The following RAB4B variants were observed in gnomAD, a reference collection of about 807,000 sequenced individuals.
RAB4B encodes the protein ras-related protein Rab-4B.
A neutral mutation model predicts 28.3 loss-of-function variants in RAB4B; 15 were observed. That is an observed-to-expected ratio of 0.53 (90% CI 0.35 to 0.82). The LOEUF is 0.82. Among genes scored for constraint, RAB4B ranks in the 40% least tolerant of loss-of-function variants. RAB4B has a pLI of 0.01. For synonymous variants in RAB4B, 108 were observed against 116.3 expected, an observed-to-expected ratio of 0.93 and a Z score of 0.46; for missense variants, 244 against 288.5, an observed-to-expected ratio of 0.85 and a Z score of 1.12.
At chr19:40,794,355 A>G (rs1036159007) in intron 7 of RAB4B, among the ~76,000 whole-genome samples, 5 of 152,022 alleles carry the variant, frequency 3.3e-5, no homozygotes, top group Non-Finnish European at 7.4e-5. Flanking sequence ...GATTATAGGC[A>G]TGAGCCACTG....
At chr19:40,784,823 G>A (rs1194965191) in intron 5 of RAB4B, among the ~76,000 whole-genome samples, 1 of 150,656 alleles carries the variant, frequency 6.6e-6, no homozygotes, top group African/African-American at 2.4e-5. Flanking sequence ...ACCCTAGATG[G>A]CCCTAGGTGA....
At chr19:40,782,835 T>TCAAC (rs2083061930) in intron 3 of RAB4B, among the ~76,000 whole-genome samples, 1 of 129,856 alleles carries the variant, frequency 7.7e-6, no homozygotes, top group African/African-American at 2.9e-5. Flanking sequence ...AATCAATCAA[T>TCAAC]CAATCAATAA....
intron 7 of RAB4B, among the ~76,000 whole-genome samples, chr19:40,791,615 A>C (rs1349033980): frequency 1.3e-5 from 2 of 149,050 alleles, no homozygotes; most frequent in African/African-American, 4.9e-5. Flanking sequence ...AGGCAGCACT[A>C]CTTGTTCCTC....
chr19:40,783,171 A>AAAAAAAT (rs1568491949), intron 3 of RAB4B, among the ~76,000 whole-genome samples: 2 of 133,336 alleles, frequency 1.5e-5, no homozygotes, highest in Admixed American at 7.2e-5. Context: ...AAAAAAAAAA[A>AAAAAAAT]AGAAAAAGGA....
chr19:40,784,801 G>A (rs1164413292), intron 5 of RAB4B, among the ~76,000 whole-genome samples: 1 of 150,736 alleles, frequency 6.6e-6, no homozygotes, highest in Non-Finnish European at 1.5e-5. Context: ...TTGGTTTAAT[G>A]TAGAGATTGC....
chr19:40,786,246 A>C, intron 5 of RAB4B: 1 of 287,284 alleles, frequency 3.5e-6, no homozygotes, highest in South Asian at 3.1e-5. Flanking sequence ...GGAATGGGGC[A>C]GGTCCAGGCA....
chr19:40,785,099 C>A (rs951985364), intron 5 of RAB4B, among the ~76,000 whole-genome samples: 1 of 151,898 alleles, frequency 6.6e-6, no homozygotes, highest in East Asian at 1.9e-4. Flanking sequence ...AGGCGTGAGA[C>A]ACTGCGCCCG....
chr19:40,793,359 CAAGT>C (rs2145064893), intron 7 of RAB4B, among the ~76,000 whole-genome samples: 1 of 152,010 alleles, frequency 6.6e-6, no homozygotes, highest in South Asian at 2.1e-4. Flanking sequence ...CTCAGCCCCC[CAAGT>C]AACTGGGACT....
chr19:40,787,076 G>A, intron 7 of RAB4B, 98 bp downstream of exon 7: 1 of 1,119,412 alleles, frequency 8.9e-7, no homozygotes, highest in Non-Finnish European at 1.3e-6. Flanking sequence ...AAGAGAAACA[G>A]AGTGAGAGAA....
chr19:40,782,743 G>A (rs2083060743), intron 3 of RAB4B, among the ~76,000 whole-genome samples: 2 of 152,062 alleles, frequency 1.3e-5, no homozygotes, highest in African/African-American at 4.8e-5. Flanking sequence ...CATCCGGGGG[G>A]CAAAGGTTGC....
At chr19:40,780,337 C>A in intron 2 of RAB4B, 48 bp from the exon 3 acceptor site, 1 of 1,523,810 alleles carries the variant, frequency 6.6e-7, no homozygotes, top group Non-Finnish European at 8.9e-7. Flanking sequence ...ATCCTCTGAG[C>A]TGTCTCCTCT....
chr19:40,783,749 G>T, intron 3 of RAB4B, 29 bp from the exon 4 acceptor site: 1 of 1,534,698 alleles, frequency 6.5e-7, no homozygotes, highest in Non-Finnish European at 8.8e-7. Flanking sequence ...CCCAGCCTTG[G>T]GGGTGACTGG....
In RAB4B at chr19:40,786,663, A is replaced by G. The variant is rs1234542643; in HGVS notation, c.431-2A>G. 6.2e-7 allele frequency: 1 copy of G among 1,613,980 alleles called. No individual in the cohort carries two copies. Among genetic ancestry groups the G allele is most frequent in the Non-Finnish European group, 8.5e-7 (1 of 1,179,928 alleles). ...CTGACCTCAGAGTGTGTGCCCCTGCAGAGCTGATGTTCCTGGAGACCAGCG... is the reference window on the plus strand; with the variant it reads ...CTGACCTCAGAGTGTGTGCCCCTGCGGAGCTGATGTTCCTGGAGACCAGCG... On this transcript the variant is annotated splice_acceptor_variant, in intron 5 of 7. Coordinates refer to ENST00000357052, the MANE Select transcript of RAB4B (RefSeq NM_016154.5). LOFTEE classifies it high-confidence loss of function.
At chr19:40,785,232 A>G (rs1050953358) in intron 5 of RAB4B, among the ~76,000 whole-genome samples, 2 of 151,786 alleles carry the variant, frequency 1.3e-5, no homozygotes, top group African/African-American at 4.8e-5. Context: ...AGGGCCAACC[A>G]CAATGGCTCA....
chr19:40,779,945 G>GA, intron 1 of RAB4B, 74 bp from the exon 2 acceptor site: 1 of 1,609,360 alleles, frequency 6.2e-7, no homozygotes, highest in Non-Finnish European at 8.5e-7. Flanking sequence ...AGAGAGATTG[G>GA]ATTGGAATCC....
At chr19:40,781,292 A>G (rs563133340) in intron 3 of RAB4B, among the ~76,000 whole-genome samples, 1 of 143,514 alleles carries the variant, frequency 7.0e-6, no homozygotes, top group Non-Finnish European at 1.5e-5. Context: ...GTCTCTGAAT[A>G]AATAAATAAA....
Position 40,783,865 on chromosome 19 carries a change from A to G in RAB4B, c.275+25A>G, listed in dbSNP as rs367976603. 3 of 802,486 alleles carry G rather than the reference A, an allele frequency of 3.7e-6. No homozygotes were observed. In the African/African-American group the frequency reaches 5.5e-5, roughly 15 times the overall value. 49.7% of individuals were successfully genotyped at this position (802,486 alleles called of 1,614,324 possible). A position where few individuals can be genotyped will look rare whatever the true frequency, so the allele number is the denominator to read the frequency against. ...GGTGGGTGCCCGGGGTGGGTGGGGT[A>G]GGGCATGGGTGGTTCCTCTCCTGCA... is the stretch of plus-strand genomic sequence containing the variant. On this transcript the variant is annotated intron_variant, in intron 4 of 7. Coordinates refer to ENST00000357052, the MANE Select transcript of RAB4B (RefSeq NM_016154.5).
chr19:40,780,900 G>C (rs2083040427), intron 3 of RAB4B, among the ~76,000 whole-genome samples: 1 of 151,884 alleles, frequency 6.6e-6, no homozygotes. Flanking sequence ...AACAGAAAGA[G>C]AAGGGGAAAC....
chr19:40,780,429 C>T lies in RAB4B; in HGVS notation c.142C>T (p.Arg48Trp), dbSNP rs1247222554. Residue 48 changes from arginine (R) to tryptophan (W), a missense_variant, in exon 3 of 8, where the codon CGG becomes TGG. Coordinates refer to ENST00000357052, the MANE Select transcript of RAB4B (RefSeq NM_016154.5). ...CACAATCGGCGTGGAGTTTGGATCC[C>T]GGGTGGTCAACGTGGGTGGGAAGAC... ...NHTIGVEFGS[R>W]VVNVGGKTVK... is the part of the protein sequence containing the mutation. 2.6e-5 allele frequency: 42 copies of T among 1,613,366 alleles called. No individual in the cohort carries two copies. The highest frequency in any genetic ancestry group is 3.5e-5 in the Non-Finnish European group (41 of 1,179,752).
Sources: allele counts gnomAD v4.1 joint callset (sites outside exome capture counted in the v4.1 genomes callset), GRCh38; gene constraint gnomAD v4.1.1; transcripts MANE v1.5; gene names NCBI Gene and HGNC (gene_info 2026-07-23, HGNC 2026-07-21).